Variants in RAP1GAP2 observed in about 807,000 individuals in gnomAD.
The protein encoded by RAP1GAP2 is RAP1 GTPase activating protein 2.
In RAP1GAP2, 27 loss-of-function variants were observed where a neutral mutation model predicts 95.0. The ratio of observed to expected loss-of-function variants is 0.28; its 90% CI spans 0.21 to 0.39. The LOEUF (loss-of-function observed/expected upper bound fraction) is 0.39. Ranked by LOEUF, RAP1GAP2 falls within the 10% of genes least tolerant of loss-of-function variation. RAP1GAP2 has a pLI of 1.00. For missense variants in RAP1GAP2, 771 were observed against 970.0 expected (o/e 0.79, Z 2.72); for synonymous variants, 373 against 380.9 (o/e 0.98, Z 0.24).
chr17:2,820,221 C>G (rs1295821972), intron 2 of RAP1GAP2, among the ~76,000 whole-genome samples: 1 of 152,176 alleles, frequency 6.6e-6, no homozygotes, highest in Non-Finnish European at 1.5e-5. Flanking sequence ...CAGGCAGTGG[C>G]TTTCCCCTTG....
rs780285132 is a variant in RAP1GAP2 at position 3,027,058 on chromosome 17, C to A, written c.2095C>A (p.Arg699=). 3.8e-6 allele frequency: 6 copies of A among 1,579,040 alleles called. No individual in the cohort carries two copies. The South Asian group carries it at 4.7e-5, about 12-fold the overall frequency. The change falls in exon 22 of 25, where the codon CGG becomes AGG. Residue 699 remains arginine, a synonymous_variant. Coordinates refer to ENST00000254695, the MANE Select transcript of RAP1GAP2 (RefSeq NM_015085.5). The surrounding 1 kb of genome is among the most constrained non-coding windows in gnomAD (Gnocchi z 5.2). ...GAAATPIIMS[R]SPTDAKSRNS... Reference sequence around the variant, plus strand: ...AGCTGCCACCCCGATCATCATGAGCCGGAGTCCCACAGGTCAGTGGCATCT... The same window carrying A: ...AGCTGCCACCCCGATCATCATGAGCAGGAGTCCCACAGGTCAGTGGCATCT...
At chr17:3,017,939 G>GTGTGTGTGTA in intron 17 of RAP1GAP2, 122 bp from the exon 18 acceptor site, 1 of 824,986 alleles carries the variant, frequency 1.2e-6, no homozygotes, top group Non-Finnish European at 1.8e-6. Context: ...GTGTGTGTGT[G>GTGTGTGTGTA]TGTGTGTGTA....
intron 1 of RAP1GAP2, among the ~76,000 whole-genome samples, chr17:2,756,289 A>G (rs1010089375): frequency 6.6e-6 from 1 of 152,206 alleles, no homozygotes; most frequent in East Asian, 1.9e-4. Context: ...GGGCGCAGAG[A>G]AGGGGGCCTA....
Position 2,914,549 on chromosome 17 carries a change from G to A in RAP1GAP2, c.165+9181G>A, listed in dbSNP as rs1482935458. Among the ~76,000 whole-genome samples the A allele has an allele frequency of 2.0e-5, 3 of 152,050 alleles. No individual in the cohort carries two copies. In the East Asian group the frequency reaches 5.8e-4, roughly 29 times the overall value. On this transcript the variant is annotated intron_variant, in intron 3 of 24. Coordinates refer to ENST00000254695, the MANE Select transcript of RAP1GAP2 (RefSeq NM_015085.5). ...TCTGTCGCCCAGGCTGGAGTGCAGT[G>A]GCCCGATCTCAGCTCACTGCAAGCT...
In RAP1GAP2 at chr17:3,035,649, C is replaced by T. The variant is rs1256606470; in HGVS notation, c.*2288C>T. 5 of 152,398 alleles carry T rather than the reference C, an allele frequency of 3.3e-5. No individual in the cohort carries two copies. Among genetic ancestry groups the T allele is most frequent in the Admixed American group, 3.3e-4 (5 of 15,280 alleles). 9.4% of individuals were successfully genotyped at this position (152,398 alleles called of 1,614,324 possible). ...ATGCCTCTTCCCTCTGGTCATGCCT[C>T]ACTATCTCTAGGAGCTCCATCCTGT... is the stretch of plus-strand genomic sequence containing the variant. On this transcript the variant is annotated 3_prime_UTR_variant, in exon 25 of 25. Transcript: ENST00000254695. This position sits in a 1 kb window ranked among gnomAD's most constrained non-coding sequence, Gnocchi z 4.3.
chr17:2,883,505 C>T (rs1322719496), intron 2 of RAP1GAP2, among the ~76,000 whole-genome samples: 1 of 152,236 alleles, frequency 6.6e-6, no homozygotes, highest in Non-Finnish European at 1.5e-5. Flanking sequence ...CGCCTTCGAT[C>T]TAAAAGCTTC....
chr17:2,969,496 C>CTTTTTTTTTT (rs34468461), intron 8 of RAP1GAP2, among the ~76,000 whole-genome samples: 36 of 83,784 alleles, frequency 4.3e-4, no homozygotes, highest in African/African-American at 7.7e-4. Flanking sequence ...TATATATATT[C>CTTTTTTTTTT]TTTTTTTTTT....
At chr17:2,803,515 T>G (rs982681258) in intron 2 of RAP1GAP2, among the ~76,000 whole-genome samples, 9 of 152,184 alleles carry the variant, frequency 5.9e-5, no homozygotes, top group Non-Finnish European at 1.3e-4. Flanking sequence ...GATCCTGAGA[T>G]TCACATAGAA....
At chr17:2,833,131 G>T (rs1439802065) in intron 2 of RAP1GAP2, among the ~76,000 whole-genome samples, 1 of 151,150 alleles carries the variant, frequency 6.6e-6, no homozygotes, top group East Asian at 2.0e-4. Flanking sequence ...TCCTGTAAAT[G>T]GTTGTTCTTG....
chr17:2,796,940 G>A lies in RAP1GAP2; in HGVS notation c.44+369G>A, dbSNP rs1053602938. Among the ~76,000 whole-genome samples, 1 of 152,138 alleles carries A rather than the reference G, an allele frequency of 6.6e-6. No homozygotes were observed. Among genetic ancestry groups the A allele is most frequent in the African/African-American group, 2.4e-5 (1 of 41,416 alleles). ...TGTGTGTGCGCGTTTGAGCCTGTGT[G>A]TGCAGGCGTGTGTGTGTGGCTGTGA... On this transcript the variant is annotated intron_variant, in intron 1 of 24. Coordinates refer to ENST00000254695, the MANE Select transcript of RAP1GAP2 (RefSeq NM_015085.5). This position sits in a 1 kb window ranked among gnomAD's most constrained non-coding sequence, Gnocchi z 4.7.
chr17:2,950,791 A>G lies in RAP1GAP2; in HGVS notation c.166-6968A>G, dbSNP rs372630673. On this transcript the variant is annotated intron_variant, in intron 3 of 24. Coordinates refer to ENST00000254695, the MANE Select transcript of RAP1GAP2 (RefSeq NM_015085.5). Reference sequence around the variant, plus strand: ...ATGCCCAGCTAATTTTTGTATTTTTAGTAGAGATGGGGTTTCATCATGTTG... The same window carrying G: ...ATGCCCAGCTAATTTTTGTATTTTTGGTAGAGATGGGGTTTCATCATGTTG... 3.3e-5 allele frequency among the ~76,000 whole-genome samples: 5 copies of G among 151,432 alleles called. No individual in the cohort carries two copies. The East Asian group carries it at 9.8e-4, about 30-fold the overall frequency.
intron 2 of RAP1GAP2, among the ~76,000 whole-genome samples, chr17:2,889,890 T>TATATATATATA (rs1491260344): frequency 3.0e-4 from 9 of 29,616 alleles, no homozygotes; most frequent in South Asian, 1.2e-3. Flanking sequence ...TATATATATA[T>TATATATATATA]TTTTTTTTTT....
Position 3,003,480 on chromosome 17 carries a change from C to T in RAP1GAP2, c.1201-1889C>T, listed in dbSNP as rs1403924154. ...TCTTTGTAGCCCCCTCCCCGTTTCC[C>T]GTCACGACTTGTCTGTTGCTCGGAC... On this transcript the variant is annotated intron_variant, in intron 14 of 24. Coordinates refer to ENST00000254695, the MANE Select transcript of RAP1GAP2 (RefSeq NM_015085.5). The surrounding 1 kb of genome is among the most constrained non-coding windows in gnomAD (Gnocchi z 4.1). 2.6e-5 allele frequency among the ~76,000 whole-genome samples: 4 copies of T among 152,034 alleles called. No homozygotes were observed. Among genetic ancestry groups the T allele is most frequent in the South Asian group, 2.1e-4 (1 of 4,826 alleles).
Position 2,880,197 on chromosome 17 carries a change from G to C in RAP1GAP2, c.81-25087G>C, listed in dbSNP as rs144541968. ...TAGGATACAGGAAGACGAAGGCTTG[G>C]GGGGGATGGGAGTGTGGGTGAGAGA... On this transcript the variant is annotated intron_variant, in intron 2 of 24. Transcript: ENST00000254695. Among the ~76,000 whole-genome samples, 663 of 152,200 alleles carry C rather than the reference G, an allele frequency of 4.4e-3. 3 individuals carry two copies. Among genetic ancestry groups the C allele is most frequent in the African/African-American group, 0.014 (574 of 41,524 alleles).
At chr17:2,802,685 A>G (rs1177977609) in intron 2 of RAP1GAP2, among the ~76,000 whole-genome samples, 1 of 152,118 alleles carries the variant, frequency 6.6e-6, no homozygotes, top group Non-Finnish European at 1.5e-5. Context: ...CCTGGGAGAC[A>G]AGAGTGAAAT....
chr17:2,813,359 G>GCCTCAGCGC (rs2069857938), intron 2 of RAP1GAP2, among the ~76,000 whole-genome samples: 1 of 152,142 alleles, frequency 6.6e-6, no homozygotes, highest in African/African-American at 2.4e-5. Flanking sequence ...ACAGGCGTGA[G>GCCTCAGCGC]CTGCGGTGCC....
At chr17:2,926,542 C>T (rs1024489017) in intron 3 of RAP1GAP2, among the ~76,000 whole-genome samples, 5 of 152,130 alleles carry the variant, frequency 3.3e-5, no homozygotes, top group Non-Finnish European at 7.3e-5. Flanking sequence ...CACAGTTCCT[C>T]CCTCCCCCAA....
chr17:3,013,597 A>C (rs1272031743), intron 17 of RAP1GAP2, among the ~76,000 whole-genome samples: 1 of 145,454 alleles, frequency 6.9e-6, no homozygotes, highest in East Asian at 2.0e-4. Context: ...GTCCTCCCTG[A>C]CACCAGCCTC....
rs2044421983 is a variant in RAP1GAP2 at position 2,963,292 on chromosome 17, T to A, written c.247-138T>A. On this transcript the variant is annotated intron_variant, in intron 5 of 24. Coordinates refer to ENST00000254695, the MANE Select transcript of RAP1GAP2 (RefSeq NM_015085.5). This position sits in a 1 kb window ranked among gnomAD's most constrained non-coding sequence, Gnocchi z 4.8. ...GGGGATGTTAGATTCCAGAGCTGATTCTGAGCTGTTCTTCCATCGAATGTT... is the reference window on the plus strand; with the variant it reads ...GGGGATGTTAGATTCCAGAGCTGATACTGAGCTGTTCTTCCATCGAATGTT... 1 of 963,182 alleles carries A rather than the reference T, an allele frequency of 1.0e-6. No homozygotes were observed. The highest frequency in any genetic ancestry group is 1.4e-5 in the South Asian group (1 of 71,666). The allele number at this position is 963,182 out of a possible 1,614,324, so 59.7% of individuals were successfully genotyped here.
Sources: allele counts gnomAD v4.1 joint callset (sites outside exome capture counted in the v4.1 genomes callset), GRCh38; gene constraint gnomAD v4.1.1; non-coding constraint Gnocchi (gnomAD v3.1); transcripts MANE v1.5; gene names NCBI Gene and HGNC (gene_info 2026-07-23, HGNC 2026-07-21).